LRRC4C: variants seen among roughly 807,000 people sequenced by gnomAD.
LRRC4C encodes leucine rich repeat containing 4C.
A neutral mutation model predicts 33.6 loss-of-function variants in LRRC4C; 5 were observed. The ratio of observed to expected loss-of-function variants is 0.15; its 90% CI spans 0.08 to 0.31. The LOEUF (loss-of-function observed/expected upper bound fraction) is 0.31. Ranked by LOEUF, LRRC4C falls within the 10% of genes least tolerant of loss-of-function variation. The probability of loss-of-function intolerance (pLI) is 1.00; values close to 1 mark genes in which losing one functional copy is unlikely to be tolerated. For synonymous variants in LRRC4C, 329 were observed against 302.0 expected (o/e 1.09, Z -0.93); for missense variants, 560 against 796.7 (o/e 0.70, Z 3.58).
At chr11:41,367,455 A>G (rs1445915552) in intron 1 of LRRC4C, among the ~76,000 whole-genome samples, 2 of 152,140 alleles carry the variant, frequency 1.3e-5, no homozygotes, top group African/African-American at 4.8e-5. Flanking sequence ...CCATCAAACA[A>G]CACTTGGGGA....
intron 1 of LRRC4C, among the ~76,000 whole-genome samples, chr11:41,304,206 G>T (rs376811841): frequency 9.0e-6 from 1 of 110,934 alleles, no homozygotes; most frequent in African/African-American, 3.2e-5. Flanking sequence ...CAGCCGCCCC[G>T]TCCGGGAGGG....
At chr11:41,128,420 G>C (rs1942853138) in intron 1 of LRRC4C, among the ~76,000 whole-genome samples, 1 of 152,068 alleles carries the variant, frequency 6.6e-6, no homozygotes, top group Non-Finnish European at 1.5e-5. Context: ...TGTGAAAAGA[G>C]ATCCATATAT....
intron 2 of LRRC4C, among the ~76,000 whole-genome samples, chr11:40,687,189 T>C (rs1180729210): frequency 1.3e-5 from 2 of 152,122 alleles, no homozygotes; most frequent in Admixed American, 6.6e-5. Context: ...AGATAATTTA[T>C]ATACAATGCC....
intron 2 of LRRC4C, among the ~76,000 whole-genome samples, chr11:40,751,417 G>T (rs1041108552): frequency 6.6e-6 from 1 of 152,048 alleles, no homozygotes; most frequent in African/African-American, 2.4e-5. Context: ...ATTCAGAAAT[G>T]TTGAAGGATA....
chr11:41,029,571 T>C (rs1429257921), intron 1 of LRRC4C, among the ~76,000 whole-genome samples: 1 of 151,826 alleles, frequency 6.6e-6, no homozygotes, highest in South Asian at 2.1e-4. Flanking sequence ...ACACAGAGAA[T>C]GTTGGTTCAT....
intron 1 of LRRC4C, among the ~76,000 whole-genome samples, chr11:41,362,816 T>A (rs1258651728): frequency 6.6e-6 from 1 of 151,842 alleles, no homozygotes; most frequent in African/African-American, 2.4e-5. Context: ...TCATAACCCC[T>A]TCCTTCATCT....
intron 1 of LRRC4C, among the ~76,000 whole-genome samples, chr11:41,228,966 T>C (rs1271984094): frequency 1.3e-5 from 2 of 152,108 alleles, no homozygotes; most frequent in East Asian, 3.9e-4. Flanking sequence ...TTAAACACAG[T>C]CATTTCAATG....
Position 40,311,949 on chromosome 11 carries a change from A to T in LRRC4C, c.-176+7679T>A, listed in dbSNP as rs988250158. Reference sequence around the variant, plus strand: ...ACAGAGTGAGACTCTGTCTCAAAAAAAAAAAAAAAAAAAAAGTACTTTTCC... The same window carrying T: ...ACAGAGTGAGACTCTGTCTCAAAAATAAAAAAAAAAAAAAAGTACTTTTCC... On this transcript the variant is annotated intron_variant, in intron 4 of 6. Coordinates refer to ENST00000528697, the MANE Select transcript of LRRC4C (RefSeq NM_001258419.2). Among the ~76,000 whole-genome samples, 111 of 151,576 alleles carry T rather than the reference A, an allele frequency of 7.3e-4. 1 individual carries two copies. Among genetic ancestry groups the T allele is most frequent in the African/African-American group, 2.6e-3 (108 of 41,324 alleles).
intron 1 of LRRC4C, among the ~76,000 whole-genome samples, chr11:40,983,515 G>C (rs1565269285): frequency 6.6e-6 from 1 of 152,112 alleles, no homozygotes; most frequent in African/African-American, 2.4e-5. Flanking sequence ...TCTGACAAAT[G>C]GGATTTAATT....
At chr11:41,055,697 C>A (rs1858567034) in intron 1 of LRRC4C, among the ~76,000 whole-genome samples, 2 of 152,020 alleles carry the variant, frequency 1.3e-5, no homozygotes, top group African/African-American at 2.4e-5. Flanking sequence ...TGAATTTATA[C>A]AGACTATACG....
chr11:41,353,709 G>C (rs916900017), intron 1 of LRRC4C, among the ~76,000 whole-genome samples: 1 of 152,046 alleles, frequency 6.6e-6, no homozygotes, highest in Non-Finnish European at 1.5e-5. Flanking sequence ...ATGCACAGTT[G>C]GTTCAACATA....
chr11:40,564,259 C>T (rs562017505), intron 3 of LRRC4C, among the ~76,000 whole-genome samples: 13 of 151,984 alleles, frequency 8.6e-5, no homozygotes, highest in South Asian at 2.1e-4. Flanking sequence ...CAATGCTTGG[C>T]GAAGTGTGAG....
At chr11:41,276,487 A>G (rs924186034) in intron 1 of LRRC4C, among the ~76,000 whole-genome samples, 1 of 152,150 alleles carries the variant, frequency 6.6e-6, no homozygotes, top group African/African-American at 2.4e-5. Flanking sequence ...TGATTCCCCA[A>G]TAATAAATGA....
At chr11:41,085,850 A>G (rs1357663335) in intron 1 of LRRC4C, among the ~76,000 whole-genome samples, 1 of 151,492 alleles carries the variant, frequency 6.6e-6, no homozygotes, top group Non-Finnish European at 1.5e-5. Flanking sequence ...GGCAATCTCA[A>G]TACAAAGCTG....
At chr11:40,144,347 A>G (rs1284851547) in intron 5 of LRRC4C, among the ~76,000 whole-genome samples, 1 of 152,166 alleles carries the variant, frequency 6.6e-6, no homozygotes, top group African/African-American at 2.4e-5. Context: ...CCCTTCATTC[A>G]TTGTTTATTG....
At chr11:41,113,379 AC>A (rs1291399054) in intron 1 of LRRC4C, among the ~76,000 whole-genome samples, 1 of 152,014 alleles carries the variant, frequency 6.6e-6, no homozygotes, top group Non-Finnish European at 1.5e-5. Flanking sequence ...TCTGCCCAGC[AC>A]CGGGCTGTGA....
intron 1 of LRRC4C, among the ~76,000 whole-genome samples, chr11:40,937,673 CAG>C (rs1205397667): frequency 1.4e-5 from 2 of 146,558 alleles, no homozygotes; most frequent in Non-Finnish European, 3.0e-5. Flanking sequence ...TTTTTTGAGA[CAG>C]AGTCTCACCC....
chr11:40,721,067 T>C (rs901797063), intron 2 of LRRC4C, among the ~76,000 whole-genome samples: 1 of 152,162 alleles, frequency 6.6e-6, no homozygotes, highest in Admixed American at 6.5e-5. Flanking sequence ...CTGTCTTCCA[T>C]AGAGATCTTT....
At chr11:40,243,055 C>T (rs1866044969) in intron 4 of LRRC4C, among the ~76,000 whole-genome samples, 3 of 152,122 alleles carry the variant, frequency 2.0e-5, no homozygotes, top group Admixed American at 2.0e-4. Context: ...TGTGCCTTTG[C>T]AATTAATTAA....
Sources: gnomAD v4.1 joint callset for allele counts (sites outside exome capture counted in the v4.1 genomes callset) on GRCh38, gnomAD v4.1.1 for gene constraint, MANE v1.5 for transcripts, NCBI Gene and HGNC (gene_info 2026-07-23, HGNC 2026-07-21) for gene names.